The following EEF1E1 variants were observed in gnomAD, a reference collection of about 807,000 sequenced individuals.
The protein encoded by EEF1E1 is eukaryotic translation elongation factor 1 epsilon-1.
EEF1E1 carries 19 observed loss-of-function variants against 19.9 expected under a neutral mutation model. That is an observed-to-expected ratio of 0.95 (90% confidence interval 0.66 to 1.40). EEF1E1 has a LOEUF of 1.40. Among genes scored for constraint, EEF1E1 ranks in the 40% most tolerant of loss-of-function variants. The probability of loss-of-function intolerance (pLI) is 0.00; values close to 1 mark genes in which losing one functional copy is unlikely to be tolerated. For missense variants in EEF1E1, 198 were observed against 202.2 expected (o/e 0.98, Z 0.13); for synonymous variants, 81 against 80.0 (o/e 1.01, Z -0.07).
rs1561646182 is a variant in EEF1E1 at position 8,099,754 on chromosome 6, ACACACACAC to A, written c.88-2296_88-2288del. ...AAGAGTGAAGCTCCGCCTCAAAAAC[ACACACACAC>A]ACACACACACACACACACACACACA... is the stretch of plus-strand genomic sequence containing the variant. On this transcript the variant is annotated intron_variant, in intron 1 of 3. Transcript: ENST00000379715. Among the ~76,000 whole-genome samples the A allele has an allele frequency of 7.4e-3, 694 of 93,934 alleles. 7 individuals carry two copies. Among genetic ancestry groups the A allele is most frequent in the Middle Eastern group, 0.015 (3 of 206 alleles). The allele number at this position is 93,934 out of a possible 152,430, so 61.6% of individuals were successfully genotyped here.
chr6:8,092,743 A>G (rs1758046689), intron 2 of EEF1E1, among the ~76,000 whole-genome samples: 1 of 152,244 alleles, frequency 6.6e-6, no homozygotes, highest in East Asian at 1.9e-4. Context: ...TTAAATTTCA[A>G]ATAAAATAAA....
Position 8,099,783 on chromosome 6 carries a change from C to CA in EEF1E1, c.88-2317dup, listed in dbSNP as rs1554099755. Among the ~76,000 whole-genome samples, 67 of 98,270 alleles carry CA rather than the reference C, an allele frequency of 6.8e-4. 1 individual carries two copies. Among genetic ancestry groups the CA allele is most frequent in the Admixed American group, 5.8e-3 (56 of 9,626 alleles). 64.5% of individuals were successfully genotyped at this position (98,270 alleles called of 152,430 possible). ...ACACACACACACACACACACACACA[C>CA]ACACACACAAAAAAAAAACAGAACC... is the stretch of plus-strand genomic sequence containing the variant. On this transcript the variant is annotated intron_variant, in intron 1 of 3. Coordinates refer to ENST00000379715, the MANE Select transcript of EEF1E1 (RefSeq NM_004280.5).
At position 8,079,896 on chromosome 6, in the gene EEF1E1, G is replaced by A. The variant is rs1372480639; in HGVS notation, c.519C>T (p.Ser173=). 1.2e-6 allele frequency: 2 copies of A among 1,610,704 alleles called. No individual in the cohort carries two copies. The highest frequency in any genetic ancestry group is 2.2e-5 in the South Asian group (2 of 90,836). Residue 173 remains serine, a synonymous_variant, in exon 4 of 4, where the codon TCC becomes TCT. Coordinates refer to ENST00000379715, the MANE Select transcript of EEF1E1 (RefSeq NM_004280.5). ...TGTATGGCATGGACAGCTTCTAGTG[G>A]GAATTAGTATATAGTCTGTTCTTGA... The part of the protein sequence containing the change: ...VFIKNRLYTN[S]H
At chr6:8,080,558 G>A (rs1757699938) in intron 3 of EEF1E1, among the ~76,000 whole-genome samples, 1 of 152,294 alleles carries the variant, frequency 6.6e-6, no homozygotes, top group African/African-American at 2.4e-5. Context: ...TTAGTGAATG[G>A]AGCAGTTCAC....
chr6:8,101,672 T>G (rs1355592966), intron 1 of EEF1E1: 2 of 1,123,604 alleles, frequency 1.8e-6, no homozygotes, highest in African/African-American at 1.6e-5. Context: ...GTAGTCTTCC[T>G]ACAACCAATT....
At chr6:8,102,241 C>T (rs1758386200) in intron 1 of EEF1E1, 194 bp downstream of exon 1, 7 of 536,416 alleles carry the variant, frequency 1.3e-5, no homozygotes, top group Non-Finnish European at 1.7e-5. Context: ...GCTGGTTAAC[C>T]CCTCCCTCCA....
At chr6:8,102,085 C>CG (rs767065177) in intron 1 of EEF1E1, 6 of 1,176,762 alleles carry the variant, frequency 5.1e-6, no homozygotes, top group African/African-American at 1.6e-5. Flanking sequence ...GGTGCGATTA[C>CG]GGGAAAAAAA....
chr6:8,084,921 T>A (rs1333620123), intron 3 of EEF1E1, among the ~76,000 whole-genome samples: 1 of 152,120 alleles, frequency 6.6e-6, no homozygotes, highest in Non-Finnish European at 1.5e-5. Flanking sequence ...CCTTGCAGGC[T>A]TTTTTTGTTT....
intron 2 of EEF1E1, among the ~76,000 whole-genome samples, chr6:8,091,943 CAA>C (rs893661143): frequency 6.6e-6 from 1 of 152,154 alleles, no homozygotes; most frequent in Non-Finnish European, 1.5e-5. Context: ...GGCATGTAAA[CAA>C]AAGAGATTTA....
chr6:8,102,386 GC>G, intron 1 of EEF1E1, 48 bp downstream of exon 1: 3 of 1,573,054 alleles, frequency 1.9e-6, no homozygotes, highest in Non-Finnish European at 1.7e-6. Flanking sequence ...GGCTCGGCAG[GC>G]CCCGCTCCCG....
intron 3 of EEF1E1, among the ~76,000 whole-genome samples, chr6:8,088,560 T>G (rs1010308701): frequency 6.6e-6 from 1 of 152,212 alleles, no homozygotes; most frequent in Admixed American, 6.5e-5. Context: ...CTGCCATCCA[T>G]GTAAGACATG....
chr6:8,101,815 T>C (rs991361194), intron 1 of EEF1E1: 2 of 1,289,358 alleles, frequency 1.6e-6, no homozygotes, highest in Non-Finnish European at 2.0e-6. Context: ...AAACTGATAA[T>C]CCAAGGCTTT....
downstream of EEF1E1, among the ~76,000 whole-genome samples, chr6:8,077,181 G>A (rs1182482255): frequency 2.6e-5 from 4 of 152,092 alleles, no homozygotes; most frequent in Non-Finnish European, 5.9e-5. Context: ...CTGACCTCGT[G>A]ATCCGCCCGC....
chr6:8,096,087 T>C (rs1426809934), intron 2 of EEF1E1, among the ~76,000 whole-genome samples: 1 of 152,238 alleles, frequency 6.6e-6, no homozygotes, highest in African/African-American at 2.4e-5. Context: ...AATTAAATAT[T>C]TACATGTCTC....
intron 3 of EEF1E1, among the ~76,000 whole-genome samples, chr6:8,089,133 T>C (rs1277819291): frequency 6.6e-6 from 1 of 152,050 alleles, no homozygotes; most frequent in Non-Finnish European, 1.5e-5. Flanking sequence ...GGGTGGTGAC[T>C]GTAGGGTAAA....
chr6:8,100,896 C>T (rs1758330304), intron 1 of EEF1E1, among the ~76,000 whole-genome samples: 1 of 147,298 alleles, frequency 6.8e-6, no homozygotes, highest in Non-Finnish European at 1.5e-5. Flanking sequence ...GTTTCTCATA[C>T]TAGATAATAC....
At chr6:8,094,354 C>T (rs1758105869) in intron 2 of EEF1E1, among the ~76,000 whole-genome samples, 1 of 151,794 alleles carries the variant, frequency 6.6e-6, no homozygotes, top group Non-Finnish European at 1.5e-5. Context: ...CCCAACACTT[C>T]AGGAGGCCGA....
chr6:8,077,093 G>A (rs145021626), downstream of EEF1E1, among the ~76,000 whole-genome samples: 650 of 151,918 alleles, frequency 4.3e-3, 4 homozygotes, highest in African/African-American at 0.013. Flanking sequence ...ACAGGCGCCC[G>A]CCACCACACC....
chr6:8,097,842 A>G (rs1013917144), intron 1 of EEF1E1, among the ~76,000 whole-genome samples: 1 of 152,210 alleles, frequency 6.6e-6, no homozygotes, highest in Non-Finnish European at 1.5e-5. Context: ...AACATACTTA[A>G]ATAAACCTGA....
Sources: gnomAD v4.1 joint callset for allele counts (sites outside exome capture counted in the v4.1 genomes callset) on GRCh38, gnomAD v4.1.1 for gene constraint, MANE v1.5 for transcripts, NCBI Gene and HGNC (gene_info 2026-07-23, HGNC 2026-07-21) for gene names.